The following DDX20 variants were observed in gnomAD, a reference collection of about 807,000 sequenced individuals.
DDX20 encodes probable ATP-dependent RNA helicase DDX20.
A neutral mutation model predicts 76.4 loss-of-function variants in DDX20; 61 were observed. The ratio of observed to expected loss-of-function variants is 0.80; its 90% CI spans 0.65 to 0.99. DDX20 has a LOEUF of 0.99. DDX20 is among the 50% of genes least tolerant of loss of function. The pLI, the probability that DDX20 is intolerant of heterozygous loss-of-function variation, is 0.00. For synonymous variants in DDX20, 357 were observed against 357.4 expected (o/e 1.00, Z 0.01); for missense variants, 976 against 996.8 (o/e 0.98, Z 0.28).
rs760611647 is a variant in DDX20, at chr1:111,762,660, A to G, written c.1105-17A>G. The stretch of plus-strand genomic sequence containing the variant: ...TAGTTAATGCAAACAAATAATTGCT[A>G]TCTTCTTCAATTCAAGACTTCTCGT... On this transcript the variant is annotated splice_polypyrimidine_tract_variant and intron_variant, in intron 8 of 10. Transcript: ENST00000369702. 3.1e-5 allele frequency: 49 copies of G among 1,594,210 alleles called. 2 individuals are homozygous for G. In the South Asian group the frequency reaches 4.3e-4, roughly 14 times the overall value.
intron 1 of DDX20, 111 bp from the exon 2 acceptor site, chr1:111,756,535 G>A (rs576528694): frequency 1.4e-5 from 12 of 864,870 alleles, no homozygotes; most frequent in Admixed American, 2.4e-5. Context: ...TAAAAATGAA[G>A]GTGCCAACTA....
At chr1:111,761,375 T>C in intron 7 of DDX20, 91 bp downstream of exon 7, 1 of 1,023,840 alleles carries the variant, frequency 9.8e-7, no homozygotes, top group African/African-American at 1.6e-5. Flanking sequence ...ATGAGTTGTC[T>C]TGAGAGTGTG....
At position 111,767,059 on chromosome 1, in the gene DDX20, T is replaced by C. The variant is rs1663799600; in HGVS notation, c.*160T>C. 2 of 529,122 alleles carry C rather than the reference T, an allele frequency of 3.8e-6. No homozygotes were observed. The highest frequency in any genetic ancestry group is 6.5e-6 in the Non-Finnish European group (2 of 305,370). 32.8% of individuals were successfully genotyped at this position (529,122 alleles called of 1,614,324 possible). On this transcript the variant is annotated 3_prime_UTR_variant, in exon 11 of 11. Transcript: ENST00000369702. ...GGACACATCCATTTTTCAGATTGTT[T>C]TGATTTAGGCCAGGTATATTATCTT...
In DDX20 at chr1:111,760,704, A is replaced by C; in HGVS notation, c.681-2A>C. The stretch of plus-strand genomic sequence containing the variant: ...TACATGGTATCTGTTTTTATTTTGC[A>C]GTTGGATTTATTCTTCCTTGCCTGC... On this transcript the variant is annotated splice_acceptor_variant, in intron 4 of 10. Coordinates refer to ENST00000369702, the MANE Select transcript of DDX20 (RefSeq NM_007204.5). LOFTEE classifies it high-confidence loss of function. 1.9e-6 allele frequency: 3 copies of C among 1,606,028 alleles called. No individual in the cohort carries two copies. Among genetic ancestry groups the C allele is most frequent in the South Asian group, 2.2e-5 (2 of 89,152 alleles).
rs1448208956 is a variant in DDX20, at chr1:111,762,896, C to T, written c.1211-10C>T. The T allele has an allele frequency of 6.2e-7, 1 of 1,607,728 alleles. No homozygotes were observed. On this transcript the variant is annotated splice_polypyrimidine_tract_variant and intron_variant, in intron 9 of 10. Coordinates refer to ENST00000369702, the MANE Select transcript of DDX20 (RefSeq NM_007204.5). ...AATGATTTACTACCTAACATTCTCT[C>T]TGCTTTTAGGTACATTGGGGCTGAC...
rs562324387 is a variant in DDX20, at chr1:111,760,818, A to C, written c.793A>C (p.Arg265=). 2.2e-5 allele frequency: 36 copies of C among 1,613,390 alleles called. No homozygotes were observed. In the East Asian group the frequency reaches 8.0e-4, roughly 36 times the overall value. Residue 265 remains arginine (R), a synonymous_variant, in exon 5 of 11, where the codon AGA becomes CGA. Transcript: ENST00000369702. ...TKYMRDPTFV[R]LNSSDPSLIG... ...GTACATGAGAGATCCCACTTTTGTAAGACTGAATTCCAGTGATCCAAGTCT... is the reference window on the plus strand; with the variant it reads ...GTACATGAGAGATCCCACTTTTGTACGACTGAATTCCAGTGATCCAAGTCT...
intron 9 of DDX20, 34 bp downstream of exon 9, chr1:111,762,816 TTAAGGGGAGGGATC>T (rs770095272): frequency 1.3e-6 from 2 of 1,582,950 alleles, no homozygotes; most frequent in Admixed American, 3.4e-5. Flanking sequence ...AGTGCTTTCT[TTAAGGGGAGGGATC>T]TATAATGTGA....
intron 2 of DDX20, 100 bp downstream of exon 2, chr1:111,756,840 T>C (rs1013000748): frequency 5.5e-5 from 55 of 1,007,596 alleles, no homozygotes; most frequent in Non-Finnish European, 7.1e-5. Context: ...GTGAATTTGA[T>C]GAATGATTGA....
At chr1:111,762,646 A>G (rs1440816102) in intron 8 of DDX20, 31 bp from the exon 9 acceptor site, 1 of 1,569,744 alleles carries the variant, frequency 6.4e-7, no homozygotes, top group Admixed American at 1.7e-5. Flanking sequence ...AGTTAATGCA[A>G]ACAAATAATT....
At position 111,767,001 on chromosome 1, in the gene DDX20, G is replaced by C; in HGVS notation, c.*102G>C. The C allele has an allele frequency of 1.1e-6, 1 of 920,688 alleles. No individual in the cohort carries two copies. The highest frequency in any genetic ancestry group is 1.6e-6 in the Non-Finnish European group (1 of 628,334). 57.0% of individuals were successfully genotyped at this position (920,688 alleles called of 1,614,324 possible). The stretch of plus-strand genomic sequence containing the variant: ...TACAGTGGTGTATAGTGGCATTTCT[G>C]ATAAACTTGAAAAGACTTGAGTCTT... On this transcript the variant is annotated 3_prime_UTR_variant, in exon 11 of 11. Transcript: ENST00000369702.
chr1:111,765,525 TATGGG>T (rs1235751884), intron 10 of DDX20, among the ~76,000 whole-genome samples: 1 of 152,122 alleles, frequency 6.6e-6, no homozygotes, highest in Non-Finnish European at 1.5e-5. Flanking sequence ...TGCTTGTGAG[TATGGG>T]ATGGGTCTTA....
chr1:111,756,575 C>CT lies in DDX20; in HGVS notation c.302-70dup. 3 of 1,331,592 alleles carry CT rather than the reference C, an allele frequency of 2.3e-6. No homozygotes were observed. The South Asian group carries it at 3.6e-5, about 16-fold the overall frequency. 82.5% of individuals were successfully genotyped at this position (1,331,592 alleles called of 1,614,324 possible). A position where few individuals can be genotyped will look rare whatever the true frequency, so the allele number is the denominator to read the frequency against. On this transcript the variant is annotated intron_variant, in intron 1 of 10. Transcript: ENST00000369702. Reference sequence around the variant, plus strand: ...AATCTCAGGAGACCCTTCTAGTTCTCTGATTCCATGTTAGCCCCTAAGTTG... The same window carrying CT: ...AATCTCAGGAGACCCTTCTAGTTCTCTTGATTCCATGTTAGCCCCTAAGTTG...
chr1:111,760,654 A>G (rs2101419164), intron 4 of DDX20, 52 bp from the exon 5 acceptor site: 2 of 1,600,314 alleles, frequency 1.2e-6, no homozygotes, highest in Non-Finnish European at 1.7e-6. Flanking sequence ...AGCTTTTCCA[A>G]GTGGTGATTA....
chr1:111,767,590 C>T lies in DDX20; in HGVS notation c.*691C>T, dbSNP rs1663809833. On this transcript the variant is annotated 3_prime_UTR_variant, in exon 11 of 11. Coordinates refer to ENST00000369702, the MANE Select transcript of DDX20 (RefSeq NM_007204.5). ...CTGTGGGTCATCAGTTGCTGTCTTA[C>T]TTGTGTTGCTCAGATAGAGGAGCAG... 7.2e-6 allele frequency: 1 copy of T among 139,428 alleles called. No individual in the cohort carries two copies. The highest frequency in any genetic ancestry group is 2.3e-4 in the South Asian group (1 of 4,414). The allele number at this position is 139,428 out of a possible 1,614,324, so 8.6% of individuals were successfully genotyped here. A position where few individuals can be genotyped will look rare whatever the true frequency, so the allele number is the denominator to read the frequency against.
intron 1 of DDX20, 109 bp downstream of exon 1, chr1:111,756,334 C>T: frequency 8.2e-7 from 1 of 1,214,500 alleles, no homozygotes; most frequent in Middle Eastern, 3.0e-4. Context: ...CTCGGTCGGC[C>T]CCCGGAGCAG....
In DDX20 at chr1:111,766,003, A is replaced by G. The variant is rs770337758; in HGVS notation, c.1579A>G (p.Ile527Val). ...GAAAAGCCACTCAGAATGTGGAATC[A>G]TAGAAAAAGCAACGTCACCAAAAGA... ...PVKSHSECGI[I>V]EKATSPKELG... Residue 527 changes from isoleucine (I) to valine (V), a missense_variant, in exon 11 of 11, where the codon ATA (isoleucine) becomes GTA (valine). Around this residue, in one of 3 missense-constraint regions of DDX20, gnomAD observed 630 missense variants for 693.7 expected, o/e 0.91. Coordinates refer to ENST00000369702, the MANE Select transcript of DDX20 (RefSeq NM_007204.5). The G allele has an allele frequency of 1.2e-6, 2 of 1,614,196 alleles. No homozygotes were observed. Among genetic ancestry groups the G allele is most frequent in the Non-Finnish European group, 1.7e-6 (2 of 1,180,016 alleles).
rs1447727612 is a variant in DDX20 at position 111,766,678 on chromosome 1, G to C, written c.2254G>C (p.Glu752Gln). 3.7e-6 allele frequency: 6 copies of C among 1,614,070 alleles called. No individual in the cohort carries two copies. In the African/African-American group the frequency reaches 8.0e-5, roughly 22 times the overall value. ...CTTCAGATTGCAGACTGAAGCCCAG[G>C]AAGATGATTGGTATGACTGTCATAG... ...SSFRLQTEAQEDDWYDCHREI... is the reference protein window; with the variant it reads ...SSFRLQTEAQQDDWYDCHREI... Residue 752 changes from glutamate to glutamine, a missense_variant, in exon 11 of 11, where the codon GAA (glutamate) becomes CAA (glutamine). Around this residue, in one of 3 missense-constraint regions of DDX20, gnomAD observed 630 missense variants for 693.7 expected, o/e 0.91. Coordinates refer to ENST00000369702, the MANE Select transcript of DDX20 (RefSeq NM_007204.5).
Position 111,762,283 on chromosome 1 carries a change from T to C in DDX20, c.1050T>C (p.Asp350=), listed in dbSNP as rs1192406654. 1.9e-6 allele frequency: 3 copies of C among 1,613,408 alleles called. No homozygotes were observed. The African/African-American group carries it at 4.0e-5, about 22-fold the overall frequency. Residue 350 remains aspartate, a synonymous_variant, in exon 8 of 11, where the codon GAT becomes GAC. Coordinates refer to ENST00000369702, the MANE Select transcript of DDX20 (RefSeq NM_007204.5). ...SGNMNQNQRL[D]AMAKLKHFHC... ...ATATGAATCAGAATCAGCGTCTTGA[T>C]GCTATGGCTAAACTGAAGCACTTTC...
chr1:111,760,567 G>T lies in DDX20; in HGVS notation c.659G>T (p.Gly220Val). ...LDEADKLLEE[G>V]SFQEQINWIY... is the part of the protein sequence containing the mutation. Reference sequence around the variant, plus strand: ...GAAGCAGATAAGCTTTTAGAAGAAGGCAGCTTCCAGGAGCAAATAAAGTAA... The same window carrying T: ...GAAGCAGATAAGCTTTTAGAAGAAGTCAGCTTCCAGGAGCAAATAAAGTAA... Residue 220 changes from glycine to valine, a missense_variant, in exon 4 of 11, where the codon GGC (glycine) becomes GTC (valine). Gly to Val is a moderately radical substitution (Grantham distance 109, BLOSUM62 -3). Coordinates refer to ENST00000369702, the MANE Select transcript of DDX20 (RefSeq NM_007204.5). The T allele has an allele frequency of 1.2e-6, 2 of 1,612,932 alleles. No individual in the cohort carries two copies. Among genetic ancestry groups the T allele is most frequent in the Non-Finnish European group, 1.7e-6 (2 of 1,179,706 alleles).
Sources: gnomAD v4.1 joint callset for allele counts (sites outside exome capture counted in the v4.1 genomes callset) on GRCh38, gnomAD v4.1.1 for gene constraint, gnomAD v4.1.1 regional missense constraint, MANE v1.5 for transcripts, NCBI Gene and HGNC (gene_info 2026-07-23, HGNC 2026-07-21) for gene names.